The following ARHGEF38 variants were observed in gnomAD, a reference collection of about 807,000 sequenced individuals.
ARHGEF38 encodes Rho guanine nucleotide exchange factor (GEF) 38.
ARHGEF38 carries 79 observed loss-of-function variants against 79.9 expected under a neutral mutation model. That is an observed-to-expected ratio of 0.99 (90% confidence interval 0.82 to 1.19). The LOEUF (loss-of-function observed/expected upper bound fraction) is 1.19, where lower values mean the gene tolerates loss of function less well. Ranked by LOEUF, ARHGEF38 falls within the 50% of genes most tolerant of loss-of-function variation. The probability of loss-of-function intolerance (pLI) is 0.00; values close to 1 mark genes in which losing one functional copy is unlikely to be tolerated. For missense variants in ARHGEF38, 962 were observed against 907.2 expected (o/e 1.06, Z -0.78); for synonymous variants, 366 against 328.3 (o/e 1.11, Z -1.24).
intron 2 of ARHGEF38, among the ~76,000 whole-genome samples, chr4:105,591,162 C>T (rs573937744): frequency 6.6e-6 from 1 of 152,198 alleles, no homozygotes; most frequent in Non-Finnish European, 1.5e-5. Context: ...CCTGTCATGC[C>T]CCCAACTATT....
intron 2 of ARHGEF38, among the ~76,000 whole-genome samples, chr4:105,611,687 C>T (rs1453673656): frequency 6.6e-6 from 1 of 151,838 alleles, no homozygotes; most frequent in Non-Finnish European, 1.5e-5. Context: ...AAGCAAAAAA[C>T]CACATGTGCC....
chr4:105,665,772 T>C (rs1174747372), intron 10 of ARHGEF38, among the ~76,000 whole-genome samples: 1 of 152,106 alleles, frequency 6.6e-6, no homozygotes, highest in Non-Finnish European at 1.5e-5. Context: ...TAAACTCCAT[T>C]TCTTTGTAGG....
Position 105,555,196 on chromosome 4 carries a change from C to T in ARHGEF38, c.196+2235C>T, listed in dbSNP as rs532418275. On this transcript the variant is annotated intron_variant, in intron 1 of 13. Transcript: ENST00000420470. ...TTCTTTGAAGGTGGAAGGCAAAACT[C>T]AGCAGTTAATACATGCTTCTAGTCT... 1.1e-4 allele frequency among the ~76,000 whole-genome samples: 17 copies of T among 152,216 alleles called. No individual in the cohort carries two copies. The South Asian group carries it at 3.5e-3, about 32-fold the overall frequency.
At chr4:105,599,927 T>C (rs559274694) in intron 2 of ARHGEF38, among the ~76,000 whole-genome samples, 2 of 152,182 alleles carry the variant, frequency 1.3e-5, no homozygotes, top group South Asian at 4.1e-4. Flanking sequence ...AGGCCTCTTA[T>C]AGCTATGAGA....
chr4:105,584,235 T>C (rs1726926204), intron 1 of ARHGEF38, among the ~76,000 whole-genome samples: 1 of 152,206 alleles, frequency 6.6e-6, no homozygotes, highest in African/African-American at 2.4e-5. Flanking sequence ...AAAACTGAAC[T>C]TCTGTAAATA....
intron 1 of ARHGEF38, among the ~76,000 whole-genome samples, chr4:105,565,534 G>A (rs1489568980): frequency 2.6e-5 from 4 of 152,130 alleles, no homozygotes; most frequent in African/African-American, 9.7e-5. Context: ...GTTTCGTAAT[G>A]ATCTGTCTGG....
rs868127896 is a variant in ARHGEF38 at position 105,680,366 on chromosome 4, T to C, written c.*2429T>C. The C allele has an allele frequency of 8.2e-6, 2 of 243,698 alleles. No homozygotes were observed. Among genetic ancestry groups the C allele is most frequent in the South Asian group, 6.2e-5 (1 of 16,064 alleles). 15.1% of individuals were successfully genotyped at this position (243,698 alleles called of 1,614,324 possible). ...ACTTGCTTATCTGTCCATTCATTCA[T>C]TGAACCAGTAAGTATTTATTGAGAG... On this transcript the variant is annotated 3_prime_UTR_variant, in exon 14 of 14. Transcript: ENST00000420470.
At chr4:105,656,247 G>C (rs888628082) in intron 9 of ARHGEF38, among the ~76,000 whole-genome samples, 1 of 151,954 alleles carries the variant, frequency 6.6e-6, no homozygotes, top group Non-Finnish European at 1.5e-5. Flanking sequence ...GTAGAGGCGG[G>C]GTTTCACCAT....
chr4:105,569,048 C>T (rs1726085147), intron 1 of ARHGEF38, among the ~76,000 whole-genome samples: 1 of 152,004 alleles, frequency 6.6e-6, no homozygotes, highest in South Asian at 2.1e-4. Context: ...TATTGAAAAA[C>T]AATATCAGAG....
At position 105,680,198 on chromosome 4, in the gene ARHGEF38, T is replaced by A. The variant is rs1731261321; in HGVS notation, c.*2261T>A. 1 of 495,714 alleles carries A rather than the reference T, an allele frequency of 2.0e-6. No individual in the cohort carries two copies. Among genetic ancestry groups the A allele is most frequent in the Non-Finnish European group, 3.8e-6 (1 of 266,236 alleles). The allele number at this position is 495,714 out of a possible 1,614,324, so 30.7% of individuals were successfully genotyped here. A position where few individuals can be genotyped will look rare whatever the true frequency, so the allele number is the denominator to read the frequency against. On this transcript the variant is annotated 3_prime_UTR_variant, in exon 14 of 14. Coordinates refer to ENST00000420470, the MANE Select transcript of ARHGEF38 (RefSeq NM_001242729.2). Reference sequence around the variant, plus strand: ...GACTTTAAGGCCTTTCTTTTAGTGTTTTCCCTTTTCTTTTCCTTAAGTCAC... The same window carrying A: ...GACTTTAAGGCCTTTCTTTTAGTGTATTCCCTTTTCTTTTCCTTAAGTCAC...
intron 3 of ARHGEF38, among the ~76,000 whole-genome samples, chr4:105,616,363 T>A (rs1728507514): frequency 6.6e-6 from 1 of 152,140 alleles, no homozygotes; most frequent in Non-Finnish European, 1.5e-5. Context: ...TTCTTCAGGC[T>A]TAACAGGAAG....
intron 1 of ARHGEF38, among the ~76,000 whole-genome samples, chr4:105,567,800 C>T (rs963684443): frequency 6.6e-6 from 1 of 151,450 alleles, no homozygotes; most frequent in Non-Finnish European, 1.5e-5. Flanking sequence ...TATTATTATA[C>T]TTTAAGTTTT....
intron 6 of ARHGEF38, among the ~76,000 whole-genome samples, chr4:105,645,788 T>C (rs991622116): frequency 2.6e-5 from 4 of 152,198 alleles, no homozygotes; most frequent in African/African-American, 9.7e-5. Context: ...AAGATCTAGG[T>C]GACAGAGGCC....
chr4:105,621,655 G>T (rs1353081772), intron 3 of ARHGEF38, among the ~76,000 whole-genome samples: 1 of 152,162 alleles, frequency 6.6e-6, no homozygotes, highest in Non-Finnish European at 1.5e-5. Flanking sequence ...AAGAGTACTA[G>T]TTGCTGACAA....
intron 7 of ARHGEF38, among the ~76,000 whole-genome samples, chr4:105,650,493 C>G (rs1018880923): frequency 6.6e-6 from 1 of 152,186 alleles, no homozygotes; most frequent in East Asian, 1.9e-4. Flanking sequence ...TTTAAAATAG[C>G]CAGTCCTAAA....
intron 5 of ARHGEF38, among the ~76,000 whole-genome samples, chr4:105,642,642 G>A (rs1196297260): frequency 2.6e-5 from 4 of 152,132 alleles, no homozygotes; most frequent in African/African-American, 9.7e-5. Flanking sequence ...TCAAAATGAG[G>A]AAGAACCAAC....
chr4:105,580,110 T>C (rs1578274084), intron 1 of ARHGEF38, among the ~76,000 whole-genome samples: 2 of 151,692 alleles, frequency 1.3e-5, no homozygotes, highest in African/African-American at 2.4e-5. Context: ...ATTTGGATCT[T>C]TTTTCTTCTT....
Position 105,679,661 on chromosome 4 carries a change from T to A in ARHGEF38, c.*1724T>A. ...AGAGACCTTATGGCATCCATGCTTTTAAATTTAACTAAATCCATTGTAGAA... is the reference window on the plus strand; with the variant it reads ...AGAGACCTTATGGCATCCATGCTTTAAAATTTAACTAAATCCATTGTAGAA... On this transcript the variant is annotated 3_prime_UTR_variant, in exon 14 of 14. Coordinates refer to ENST00000420470, the MANE Select transcript of ARHGEF38 (RefSeq NM_001242729.2). 2.5e-6 allele frequency: 2 copies of A among 796,672 alleles called. No homozygotes were observed. The highest frequency in any genetic ancestry group is 2.7e-5 in the South Asian group (2 of 74,338). The allele number at this position is 796,672 out of a possible 1,614,324, so 49.4% of individuals were successfully genotyped here.
At position 105,657,537 on chromosome 4, in the gene ARHGEF38, G is replaced by T. The variant is rs1730383282; in HGVS notation, c.1234-1517G>T. Reference sequence around the variant, plus strand: ...AAATAATAAAGTCTAATTCTTATTTGTTCTAACAACAATTCCTAAGTAAAG... The same window carrying T: ...AAATAATAAAGTCTAATTCTTATTTTTTCTAACAACAATTCCTAAGTAAAG... On this transcript the variant is annotated intron_variant, in intron 9 of 13. Transcript: ENST00000420470. 2.0e-5 allele frequency among the ~76,000 whole-genome samples: 3 copies of T among 151,762 alleles called. No individual in the cohort carries two copies. The South Asian group carries it at 6.3e-4, about 32-fold the overall frequency.
Sources: allele counts gnomAD v4.1 joint callset (sites outside exome capture counted in the v4.1 genomes callset), GRCh38; gene constraint gnomAD v4.1.1; transcripts MANE v1.5; gene names NCBI Gene and HGNC (gene_info 2026-07-23, HGNC 2026-07-21).